The following PRKN variants were observed in gnomAD, a reference collection of about 807,000 sequenced individuals.
PRKN encodes E3 ubiquitin-protein ligase parkin.
In PRKN, 56 loss-of-function variants were observed where a neutral mutation model predicts 59.5. That is an observed-to-expected ratio of 0.94 (90% CI 0.76 to 1.18). The LOEUF is 1.18. Among genes scored for constraint, PRKN ranks in the 50% most tolerant of loss-of-function variants. The pLI is 0.00. For synonymous variants in PRKN, 250 were observed against 222.1 expected, an observed-to-expected ratio of 1.13 and a Z score of -1.12; for missense variants, 657 against 596.4, an observed-to-expected ratio of 1.10 and a Z score of -1.06.
chr6:161,892,009 G>C (rs1423092871), intron 6 of PRKN, among the ~76,000 whole-genome samples: 2 of 152,156 alleles, frequency 1.3e-5, no homozygotes, highest in Non-Finnish European at 1.5e-5. Context: ...TTTGCATCCT[G>C]ATGGACTCTC....
intron 2 of PRKN, among the ~76,000 whole-genome samples, chr6:162,280,948 A>T (rs1427533072): frequency 1.3e-5 from 2 of 152,170 alleles, no homozygotes; most frequent in African/African-American, 4.8e-5. Flanking sequence ...CTATGCAACC[A>T]TAAAAAAGAA....
chr6:162,169,204 A>C (rs1170173785), intron 4 of PRKN, among the ~76,000 whole-genome samples: 1 of 152,192 alleles, frequency 6.6e-6, no homozygotes, highest in Non-Finnish European at 1.5e-5. Context: ...GACTAGAAAG[A>C]ACACTGGCTT....
chr6:162,187,311 G>A (rs1208664670), intron 4 of PRKN, among the ~76,000 whole-genome samples: 2 of 152,126 alleles, frequency 1.3e-5, no homozygotes, highest in South Asian at 2.1e-4. Flanking sequence ...ACTTGTACAG[G>A]AGCCAATGAG....
chr6:161,953,809 G>A lies in PRKN; in HGVS notation c.734+19493C>T, dbSNP rs527735784. Among the ~76,000 whole-genome samples the A allele has an allele frequency of 8.5e-5, 13 of 152,248 alleles. No individual in the cohort carries two copies. The South Asian group carries it at 1.9e-3, about 22-fold the overall frequency. ...CAAGACAGGTGTGAGCTAGCACGAC[G>A]CACCCTGAATTTCAGATCCATGAAT... On this transcript the variant is annotated intron_variant, in intron 6 of 11. Coordinates refer to ENST00000366898, the MANE Select transcript of PRKN (RefSeq NM_004562.3).
rs572313034 is a variant in PRKN, at chr6:162,428,641, C to A, written c.171+14669G>T. Among the ~76,000 whole-genome samples, 3 of 152,208 alleles carry A rather than the reference C, an allele frequency of 2.0e-5. No individual in the cohort carries two copies. In the South Asian group the frequency reaches 6.2e-4, roughly 32 times the overall value. Reference sequence around the variant, plus strand: ...GTGTCATACTTCAATTTTCTCTTTCCCTTGCATCTCACAATGCGTACATCT... The same window carrying A: ...GTGTCATACTTCAATTTTCTCTTTCACTTGCATCTCACAATGCGTACATCT... On this transcript the variant is annotated intron_variant, in intron 2 of 11. Transcript: ENST00000366898.
chr6:162,033,981 G>C (rs2128279921), intron 5 of PRKN, among the ~76,000 whole-genome samples: 1 of 152,144 alleles, frequency 6.6e-6, no homozygotes, highest in East Asian at 1.9e-4. Context: ...GCCCTTTGAT[G>C]TAACTGGTCC....
chr6:162,067,608 A>C (rs1778393011), intron 4 of PRKN, among the ~76,000 whole-genome samples: 1 of 152,242 alleles, frequency 6.6e-6, no homozygotes, highest in African/African-American at 2.4e-5. Context: ...TCTATAGTCC[A>C]TCCTTATTTC....
intron 6 of PRKN, among the ~76,000 whole-genome samples, chr6:161,892,352 G>A (rs930423432): frequency 6.6e-6 from 1 of 151,702 alleles, no homozygotes; most frequent in East Asian, 1.9e-4. Flanking sequence ...GATCGCTTGA[G>A]GCCAGGTGTT....
Position 162,160,305 on chromosome 6 carries a change from T to C in PRKN, c.534+40826A>G, listed in dbSNP as rs1393691649. Among the ~76,000 whole-genome samples, 3 of 152,138 alleles carry C rather than the reference T, an allele frequency of 2.0e-5. No homozygotes were observed. The East Asian group carries it at 5.8e-4, about 29-fold the overall frequency. ...GGCAAATAACAACAATCACTGATGGTCAATAGTATTAGTCATTCAGAAAAT... is the reference window on the plus strand; with the variant it reads ...GGCAAATAACAACAATCACTGATGGCCAATAGTATTAGTCATTCAGAAAAT... On this transcript the variant is annotated intron_variant, in intron 4 of 11. Transcript: ENST00000366898.
intron 6 of PRKN, among the ~76,000 whole-genome samples, chr6:161,787,379 T>C (rs1246076051): frequency 1.3e-5 from 2 of 152,206 alleles, no homozygotes; most frequent in South Asian, 4.1e-4. Flanking sequence ...TCTTGGAACC[T>C]ATCCAAGTCC....
In PRKN at chr6:161,874,581, A is replaced by T. The variant is rs866103007; in HGVS notation, c.735-88673T>A. Among the ~76,000 whole-genome samples, 27 of 111,494 alleles carry T rather than the reference A, an allele frequency of 2.4e-4. 2 individuals are homozygous for T. Among genetic ancestry groups the T allele is most frequent in the African/African-American group, 1.0e-3 (25 of 24,148 alleles). 73.1% of individuals were successfully genotyped at this position (111,494 alleles called of 152,430 possible). ...TTATATATAAAATATATATTATGTA[A>T]AATATATATTGTATGTAAAATATAT... On this transcript the variant is annotated intron_variant, in intron 6 of 11. Transcript: ENST00000366898.
Position 161,544,878 on chromosome 6 carries a change from T to C in PRKN, c.1083+3976A>G, listed in dbSNP as rs550494481. ...TTTTCCAATGGACATTCCCATATGT[T>C]TGAACAAAAGAGTCATAAATACTAA... On this transcript the variant is annotated intron_variant, in intron 9 of 11. Transcript: ENST00000366898. This position sits in a 1 kb window ranked among gnomAD's most constrained non-coding sequence, Gnocchi z 5.5. 3.3e-5 allele frequency among the ~76,000 whole-genome samples: 5 copies of C among 152,286 alleles called. No individual in the cohort carries two copies. The highest frequency in any genetic ancestry group is 7.4e-5 in the Non-Finnish European group (5 of 68,022).
chr6:162,503,082 T>C (rs1196422780), intron 1 of PRKN, among the ~76,000 whole-genome samples: 5 of 151,764 alleles, frequency 3.3e-5, no homozygotes, highest in African/African-American at 1.2e-4. Context: ...ATGGATCATG[T>C]ATTATTATTC....
Position 161,398,549 on chromosome 6 carries a change from C to G in PRKN, c.1084-11672G>C, listed in dbSNP as rs188628215. On this transcript the variant is annotated intron_variant, in intron 9 of 11. Transcript: ENST00000366898. ...ATTCATTCAACCAAAAGTTCCTACT[C>G]AGGAACTCCACTCAGAATGTATGCT... is the stretch of plus-strand genomic sequence containing the variant. Among the ~76,000 whole-genome samples, 7 of 152,282 alleles carry G rather than the reference C, an allele frequency of 4.6e-5. No individual in the cohort carries two copies. The East Asian group carries it at 1.2e-3, about 25-fold the overall frequency.
intron 2 of PRKN, among the ~76,000 whole-genome samples, chr6:162,404,711 C>A (rs982997878): frequency 6.6e-6 from 1 of 152,060 alleles, no homozygotes; most frequent in African/African-American, 2.4e-5. Context: ...CACCACCACA[C>A]CCAGCTAATT....
chr6:162,680,693 G>A (rs1201152203), intron 1 of PRKN, among the ~76,000 whole-genome samples: 2 of 152,050 alleles, frequency 1.3e-5, no homozygotes, highest in Non-Finnish European at 2.9e-5. Flanking sequence ...CACTAGTGGA[G>A]CTCACTATTT....
rs1016595662 is a variant in PRKN, at chr6:161,615,782, G to A, written c.872-46366C>T. ...TGCATGCAATGGGGAGCTGATGGCTGCAGTGGCTGCAACGTGGACCTGACT... is the reference window on the plus strand; with the variant it reads ...TGCATGCAATGGGGAGCTGATGGCTACAGTGGCTGCAACGTGGACCTGACT... On this transcript the variant is annotated intron_variant, in intron 7 of 11. Coordinates refer to ENST00000366898, the MANE Select transcript of PRKN (RefSeq NM_004562.3). 5.3e-5 allele frequency among the ~76,000 whole-genome samples: 8 copies of A among 152,366 alleles called. No homozygotes were observed. In the East Asian group the frequency reaches 7.7e-4, roughly 15 times the overall value.
chr6:161,452,672 T>A (rs1341007996), intron 9 of PRKN, among the ~76,000 whole-genome samples: 1 of 152,200 alleles, frequency 6.6e-6, no homozygotes, highest in East Asian at 1.9e-4. Context: ...TCCTGTATTA[T>A]TTTTGGGATT....
At chr6:161,760,103 T>G (rs1193024347) in intron 7 of PRKN, among the ~76,000 whole-genome samples, 1 of 150,692 alleles carries the variant, frequency 6.6e-6, no homozygotes, top group African/African-American at 2.4e-5. Context: ...GTGGTCACAA[T>G]GTCAATTGCT....
Sources: allele counts gnomAD v4.1 joint callset (sites outside exome capture counted in the v4.1 genomes callset), GRCh38; gene constraint gnomAD v4.1.1; non-coding constraint Gnocchi (gnomAD v3.1); transcripts MANE v1.5; gene names NCBI Gene and HGNC (gene_info 2026-07-23, HGNC 2026-07-21).